The following MIGA1 variants were observed in gnomAD, a reference collection of about 807,000 sequenced individuals.
MIGA1 encodes the protein family with sequence similarity 73, member A.
A neutral mutation model predicts 82.0 loss-of-function variants in MIGA1; 58 were observed. The observed-to-expected ratio is 0.71, with a 90% CI of 0.57 to 0.88. The LOEUF (loss-of-function observed/expected upper bound fraction) is 0.88. MIGA1 is among the 40% of genes least tolerant of loss of function. The probability of loss-of-function intolerance (pLI) is 0.00; values close to 1 mark genes in which losing one functional copy is unlikely to be tolerated. For missense variants in MIGA1, 751 were observed against 749.1 expected (o/e 1.00, Z -0.03); for synonymous variants, 249 against 253.6 (o/e 0.98, Z 0.17).
At chr1:77,870,208 G>A (rs1480977119) in intron 14 of MIGA1, among the ~76,000 whole-genome samples, 153 of 109,968 alleles carry the variant, frequency 1.4e-3, no homozygotes, top group African/African-American at 4.5e-3. Flanking sequence ...GCGGCTGGCC[G>A]GGCGGGGGGC....
At chr1:77,790,501 C>T (rs1213482880) in intron 2 of MIGA1, among the ~76,000 whole-genome samples, 2 of 151,962 alleles carry the variant, frequency 1.3e-5, no homozygotes, top group Non-Finnish European at 1.5e-5. Context: ...CTCCTCACCT[C>T]GTGATCTGCC....
Position 77,815,251 on chromosome 1 carries a change from T to C in MIGA1, c.895+20T>C. Reference sequence around the variant, plus strand: ...ATATTGGTAAGATGGATATTTCATATGGCTTTTATGAAATGTTTACTTTTC... The same window carrying C: ...ATATTGGTAAGATGGATATTTCATACGGCTTTTATGAAATGTTTACTTTTC... On this transcript the variant is annotated intron_variant, in intron 7 of 15. Coordinates refer to ENST00000370791, the MANE Select transcript of MIGA1 (RefSeq NM_198549.4). 2 of 1,549,824 alleles carry C rather than the reference T, an allele frequency of 1.3e-6. No individual in the cohort carries two copies. The highest frequency in any genetic ancestry group is 1.8e-6 in the Non-Finnish European group (2 of 1,142,366).
At position 77,864,033 on chromosome 1, in the gene MIGA1, G is replaced by A. The variant is rs1254028130; in HGVS notation, c.1509+5G>A. 1 of 1,605,884 alleles carries A rather than the reference G, an allele frequency of 6.2e-7. No homozygotes were observed. Among genetic ancestry groups the A allele is most frequent in the Non-Finnish European group, 8.5e-7 (1 of 1,178,180 alleles). On this transcript the variant is annotated splice_donor_5th_base_variant and intron_variant, in intron 13 of 15. Transcript: ENST00000370791. ...AACTCATCCTTCAAAGAAACAGTAAGTGGTGGTTAACCTTTCTCAGCCTTT... is the reference window on the plus strand; with the variant it reads ...AACTCATCCTTCAAAGAAACAGTAAATGGTGGTTAACCTTTCTCAGCCTTT...
At chr1:77,822,917 G>A (rs868050700) in intron 7 of MIGA1, among the ~76,000 whole-genome samples, 3 of 143,194 alleles carry the variant, frequency 2.1e-5, no homozygotes, top group African/African-American at 7.8e-5. Context: ...GTCTTGGCTC[G>A]CTGCCACCTC....
chr1:77,855,500 A>G (rs1449566619), intron 8 of MIGA1, among the ~76,000 whole-genome samples: 2 of 152,084 alleles, frequency 1.3e-5, no homozygotes, highest in African/African-American at 4.8e-5. Flanking sequence ...CCTTTTCACA[A>G]TATAGATTCT....
Position 77,813,924 on chromosome 1 carries a change from T to G in MIGA1, c.771+57T>G, listed in dbSNP as rs574587240. The stretch of plus-strand genomic sequence containing the variant: ...ATATTAGAAGAATCAAACTTTTTTT[T>G]TGTTTTTTTGGTAGAGGTAGGGTCT... On this transcript the variant is annotated intron_variant, in intron 6 of 15. Coordinates refer to ENST00000370791, the MANE Select transcript of MIGA1 (RefSeq NM_198549.4). 50 of 1,592,512 alleles carry G rather than the reference T, an allele frequency of 3.1e-5. No individual in the cohort carries two copies. The Admixed American group carries it at 7.0e-4, about 22-fold the overall frequency.
intron 13 of MIGA1, among the ~76,000 whole-genome samples, chr1:77,865,384 A>G (rs1382482259): frequency 6.6e-6 from 1 of 152,142 alleles, no homozygotes; most frequent in Non-Finnish European, 1.5e-5. Flanking sequence ...TGAGCTCAGG[A>G]GTTTGAGACC....
chr1:77,819,696 A>G (rs1570957669), intron 7 of MIGA1, among the ~76,000 whole-genome samples: 1 of 151,568 alleles, frequency 6.6e-6, no homozygotes, highest in African/African-American at 2.4e-5. Flanking sequence ...CGATCCTCTC[A>G]CCTTAGCCTC....
At chr1:77,870,761 G>A (rs1571024969) in intron 14 of MIGA1, among the ~76,000 whole-genome samples, 2 of 150,404 alleles carry the variant, frequency 1.3e-5, no homozygotes, top group African/African-American at 4.9e-5. Flanking sequence ...GTAGCGAGCC[G>A]AGATCACGCC....
chr1:77,859,469 A>T, intron 10 of MIGA1, 83 bp downstream of exon 10: 1 of 901,154 alleles, frequency 1.1e-6, no homozygotes, highest in Non-Finnish European at 1.9e-6. Context: ...TAAACAGGAC[A>T]GCTCTGTGCT....
At chr1:77,796,698 G>A (rs916421824) in intron 2 of MIGA1, among the ~76,000 whole-genome samples, 3 of 152,172 alleles carry the variant, frequency 2.0e-5, no homozygotes, top group South Asian at 2.1e-4. Context: ...TTAGGTCAGC[G>A]CCTTTCTTCC....
rs558409174 is a variant in MIGA1 at position 77,877,216 on chromosome 1, G to T, written c.*2152G>T. On this transcript the variant is annotated 3_prime_UTR_variant, in exon 16 of 16. Coordinates refer to ENST00000370791, the MANE Select transcript of MIGA1 (RefSeq NM_198549.4). ...TAATAAATAGAAGATGAAAAAAGTGGGCGGGAAAAGCATAATCTTTTAAGA... is the reference window on the plus strand; with the variant it reads ...TAATAAATAGAAGATGAAAAAAGTGTGCGGGAAAAGCATAATCTTTTAAGA... 2 of 152,194 alleles carry T rather than the reference G, an allele frequency of 1.3e-5. No homozygotes were observed. Among genetic ancestry groups the T allele is most frequent in the South Asian group, 4.2e-4 (2 of 4,818 alleles). 9.4% of individuals were successfully genotyped at this position (152,194 alleles called of 1,614,324 possible). A position where few individuals can be genotyped will look rare whatever the true frequency, so the allele number is the denominator to read the frequency against.
chr1:77,871,510 AAAAAG>A (rs1286712860), intron 14 of MIGA1, among the ~76,000 whole-genome samples: 2 of 152,108 alleles, frequency 1.3e-5, no homozygotes, highest in African/African-American at 2.4e-5. Flanking sequence ...TCAGAAAAAA[AAAAAG>A]AAAAGAAAAT....
At chr1:77,792,786 C>CTTTTTTTT (rs888755051) in intron 2 of MIGA1, among the ~76,000 whole-genome samples, 1 of 121,614 alleles carries the variant, frequency 8.2e-6, no homozygotes, top group Non-Finnish European at 1.7e-5. Context: ...GGATTGTTTG[C>CTTTTTTTT]TTTTTTTTTT....
In MIGA1 at chr1:77,796,759, C is replaced by A. The variant is rs558291741; in HGVS notation, c.196-4572C>A. Among the ~76,000 whole-genome samples the A allele has an allele frequency of 7.0e-4, 107 of 152,332 alleles. No individual in the cohort carries two copies. In the South Asian group the frequency reaches 0.014, roughly 20 times the overall value. ...GGAACAAAGTTTGATTTACTTTTCA[C>A]AGCCTGTGATTTATCTTTGGATCCA... On this transcript the variant is annotated intron_variant, in intron 2 of 15. Transcript: ENST00000370791.
At chr1:77,809,383 A>G (rs1683228613) in intron 5 of MIGA1, among the ~76,000 whole-genome samples, 1 of 152,176 alleles carries the variant, frequency 6.6e-6, no homozygotes, top group Non-Finnish European at 1.5e-5. Flanking sequence ...TGAGGTAGAC[A>G]TAGTACTTCT....
intron 5 of MIGA1, chr1:77,811,116 C>T (rs1240087696): frequency 6.3e-7 from 1 of 1,581,716 alleles, no homozygotes; most frequent in African/African-American, 1.3e-5. Flanking sequence ...GCTCAATGTC[C>T]ACATTAAAAT....
chr1:77,807,857 C>T (rs547672061), intron 5 of MIGA1, among the ~76,000 whole-genome samples: 5 of 152,224 alleles, frequency 3.3e-5, no homozygotes, highest in South Asian at 2.1e-4. Flanking sequence ...GTCTCACTCT[C>T]GCCCAGGCTA....
intron 8 of MIGA1, among the ~76,000 whole-genome samples, chr1:77,854,231 T>G (rs578207073): frequency 6.5e-4 from 99 of 152,362 alleles, no homozygotes; most frequent in Non-Finnish European, 1.2e-3. Flanking sequence ...ATCCTTTTTA[T>G]GGCTGCACAG....
Sources: gnomAD v4.1 joint callset for allele counts (sites outside exome capture counted in the v4.1 genomes callset) on GRCh38, gnomAD v4.1.1 for gene constraint, MANE v1.5 for transcripts, NCBI Gene and HGNC (gene_info 2026-07-23, HGNC 2026-07-21) for gene names.